The following OPCML variants were observed in gnomAD, a reference collection of about 807,000 sequenced individuals.
The protein encoded by OPCML is opioid-binding protein/cell adhesion molecule.
OPCML carries 13 observed loss-of-function variants against 37.8 expected under a neutral mutation model. The observed-to-expected ratio is 0.34, with a 90% confidence interval of 0.22 to 0.55. The LOEUF (loss-of-function observed/expected upper bound fraction) is 0.55, where lower values mean the gene tolerates loss of function less well. Ranked by LOEUF, OPCML falls within the 20% of genes least tolerant of loss-of-function variation. The pLI, the probability that OPCML is intolerant of heterozygous loss-of-function variation, is 0.91. For missense variants in OPCML, 341 were observed against 435.6 expected, an observed-to-expected ratio of 0.78 and a Z score of 1.93; for synonymous variants, 176 against 168.8, an observed-to-expected ratio of 1.04 and a Z score of -0.33.
intron 2 of OPCML, among the ~76,000 whole-genome samples, chr11:132,856,377 G>C (rs749181714): frequency 6.6e-6 from 1 of 152,188 alleles, no homozygotes; most frequent in Non-Finnish European, 1.5e-5. Flanking sequence ...AAGTGATTGT[G>C]TTAGGGTAAG....
At chr11:133,300,576 C>A (rs2136564271) in intron 1 of OPCML, 1 of 152,244 alleles carries the variant, frequency 6.6e-6, no homozygotes, top group South Asian at 2.1e-4. Flanking sequence ...GATGAGGTGT[C>A]TAATTTTAAA....
chr11:132,806,507 G>T lies in OPCML; in HGVS notation c.146+136419C>A, dbSNP rs1050210259. ...AATCAGGAAAAAGTATATTACAAGA[G>T]ATCATGTGAAATAGTGCATGATAAA... On this transcript the variant is annotated intron_variant, in intron 2 of 7. Transcript: ENST00000524381. Among the ~76,000 whole-genome samples, 7 of 152,060 alleles carry T rather than the reference G, an allele frequency of 4.6e-5. No homozygotes were observed. In the East Asian group the frequency reaches 1.2e-3, roughly 25 times the overall value.
chr11:132,524,962 C>T (rs2096304211), intron 4 of OPCML, among the ~76,000 whole-genome samples: 1 of 152,090 alleles, frequency 6.6e-6, no homozygotes, highest in African/African-American at 2.4e-5. Context: ...GTATTTACAC[C>T]ACCAACATGG....
chr11:133,120,781 C>T (rs1949408146), intron 1 of OPCML, among the ~76,000 whole-genome samples: 2 of 152,194 alleles, frequency 1.3e-5, no homozygotes, highest in Admixed American at 6.5e-5. Context: ...TGATCACATA[C>T]ATCTCAGAAG....
In OPCML at chr11:132,636,157, T is replaced by A. The variant is rs181787908; in HGVS notation, c.379+20930A>T. Among the ~76,000 whole-genome samples the A allele has an allele frequency of 1.7e-3, 263 of 152,314 alleles. 1 individual carries two copies. Among genetic ancestry groups the A allele is most frequent in the Non-Finnish European group, 3.0e-3 (204 of 68,026 alleles). Reference sequence around the variant, plus strand: ...GATGTAAGTGCTTTTATTATTTTTTTAATAAAATTGTTCTAAATTATCTGT... The same window carrying A: ...GATGTAAGTGCTTTTATTATTTTTTAAATAAAATTGTTCTAAATTATCTGT... On this transcript the variant is annotated intron_variant, in intron 3 of 7. Transcript: ENST00000524381.
intron 4 of OPCML, among the ~76,000 whole-genome samples, chr11:132,466,409 G>A (rs1379707510): frequency 1.3e-5 from 2 of 151,092 alleles, no homozygotes; most frequent in Non-Finnish European, 2.9e-5. Context: ...GCGTGAACCC[G>A]CGAGGCGGAG....
At chr11:132,911,571 G>A (rs968866236) in intron 2 of OPCML, among the ~76,000 whole-genome samples, 4 of 152,132 alleles carry the variant, frequency 2.6e-5, no homozygotes, top group African/African-American at 7.2e-5. Context: ...ACCAGTGAGC[G>A]CCATCTGACA....
chr11:132,885,026 C>T (rs1213098412), intron 2 of OPCML, among the ~76,000 whole-genome samples: 1 of 152,208 alleles, frequency 6.6e-6, no homozygotes. Context: ...CAGTGGACAG[C>T]ATCTACCTGG....
chr11:133,057,862 G>C (rs1269714714), intron 1 of OPCML, among the ~76,000 whole-genome samples: 4 of 152,214 alleles, frequency 2.6e-5, no homozygotes, highest in African/African-American at 9.6e-5. Flanking sequence ...CAGTGCCAGA[G>C]ACAAAGTTCC....
intron 3 of OPCML, among the ~76,000 whole-genome samples, chr11:132,635,916 G>A (rs1039139658): frequency 6.6e-6 from 1 of 152,060 alleles, no homozygotes; most frequent in Non-Finnish European, 1.5e-5. Context: ...TCATGTTTAA[G>A]GAAAAGAAAG....
intron 1 of OPCML, among the ~76,000 whole-genome samples, chr11:133,499,482 T>A (rs566553283): frequency 6.6e-6 from 1 of 152,194 alleles, no homozygotes; most frequent in South Asian, 2.1e-4. Context: ...AATGGAACCT[T>A]AACCCCTTTG....
intron 1 of OPCML, among the ~76,000 whole-genome samples, chr11:133,480,892 T>C (rs116232713): frequency 0.012 from 1,817 of 152,352 alleles, 43 homozygotes; most frequent in African/African-American, 0.041. Context: ...TGGACCTAAA[T>C]TACTTGCTTT....
At chr11:133,489,773 T>C (rs1389205937) in intron 1 of OPCML, among the ~76,000 whole-genome samples, 1 of 152,030 alleles carries the variant, frequency 6.6e-6, no homozygotes, top group Non-Finnish European at 1.5e-5. Context: ...AGCAAAGTTA[T>C]GGAATCAAGC....
At chr11:132,820,041 T>C (rs1247169923) in intron 2 of OPCML, among the ~76,000 whole-genome samples, 2 of 151,844 alleles carry the variant, frequency 1.3e-5, no homozygotes, top group African/African-American at 4.8e-5. Flanking sequence ...GTCTTACATA[T>C]AGCCTTAACA....
At chr11:132,428,221 GA>G (rs1204886105) in intron 7 of OPCML, among the ~76,000 whole-genome samples, 7 of 152,202 alleles carry the variant, frequency 4.6e-5, no homozygotes, top group Non-Finnish European at 7.3e-5. Context: ...GGGAAAGTCA[GA>G]AAAATAGTCA....
At chr11:133,122,177 CTG>C (rs750040262) in intron 1 of OPCML, among the ~76,000 whole-genome samples, 27 of 152,100 alleles carry the variant, frequency 1.8e-4, no homozygotes, top group East Asian at 9.6e-4. Context: ...GTCTACTGCA[CTG>C]TGTTTCTGAA....
chr11:133,505,432 A>G (rs1948005074), intron 1 of OPCML, among the ~76,000 whole-genome samples: 1 of 152,174 alleles, frequency 6.6e-6, no homozygotes, highest in African/African-American at 2.4e-5. Flanking sequence ...GTCTGGCTGA[A>G]GCTCAGCACC....
intron 1 of OPCML, among the ~76,000 whole-genome samples, chr11:133,057,349 C>T (rs551523813): frequency 7.5e-4 from 114 of 152,310 alleles, no homozygotes; most frequent in Non-Finnish European, 1.5e-3. Context: ...CCAAAGGCTG[C>T]TGGATTTGGT....
At chr11:132,852,195 T>G (rs949090030) in intron 2 of OPCML, among the ~76,000 whole-genome samples, 1 of 152,194 alleles carries the variant, frequency 6.6e-6, no homozygotes, top group African/African-American at 2.4e-5. Context: ...TTGCTCAACC[T>G]AGTATATAAG....
Sources: allele counts gnomAD v4.1 joint callset (sites outside exome capture counted in the v4.1 genomes callset), GRCh38; gene constraint gnomAD v4.1.1; transcripts MANE v1.5; gene names NCBI Gene and HGNC (gene_info 2026-07-23, HGNC 2026-07-21).